PTPRM: variants seen among roughly 807,000 people sequenced by gnomAD.
PTPRM encodes receptor-type tyrosine-protein phosphatase mu.
A neutral mutation model predicts 186.7 loss-of-function variants in PTPRM; 47 were observed. The observed-to-expected ratio is 0.25, with a 90% CI of 0.20 to 0.32. The LOEUF is 0.32. Ranked by LOEUF, PTPRM falls within the 10% of genes least tolerant of loss-of-function variation. PTPRM has a pLI of 1.00. For missense variants in PTPRM, 1,494 were observed against 1,865.0 expected (o/e 0.80, Z 3.66); for synonymous variants, 668 against 674.9 (o/e 0.99, Z 0.16).
chr18:7,938,420 C>A (rs940866298), intron 5 of PTPRM, among the ~76,000 whole-genome samples: 1 of 152,164 alleles, frequency 6.6e-6, no homozygotes, highest in African/African-American at 2.4e-5. Context: ...GCCACTCTCC[C>A]CATACTAGAG....
At chr18:8,012,267 A>C (rs1409586806) in intron 7 of PTPRM, among the ~76,000 whole-genome samples, 2 of 152,196 alleles carry the variant, frequency 1.3e-5, no homozygotes, top group African/African-American at 4.8e-5. Flanking sequence ...TTTTATTTTA[A>C]ACTGAAGAGT....
intron 1 of PTPRM, among the ~76,000 whole-genome samples, chr18:7,600,098 C>T (rs2037362368): frequency 6.6e-6 from 1 of 152,112 alleles, no homozygotes; most frequent in African/African-American, 2.4e-5. Flanking sequence ...ACTCTGGGGC[C>T]CACCAATCTG....
At chr18:7,861,671 G>A (rs932213951) in intron 2 of PTPRM, among the ~76,000 whole-genome samples, 2 of 151,920 alleles carry the variant, frequency 1.3e-5, no homozygotes, top group African/African-American at 4.8e-5. Flanking sequence ...GGCACAACTC[G>A]GCACACAGGT....
intron 2 of PTPRM, among the ~76,000 whole-genome samples, chr18:7,877,575 G>C (rs568932631): frequency 6.6e-6 from 1 of 152,138 alleles, no homozygotes; most frequent in Admixed American, 6.5e-5. Context: ...AGTATTTTAC[G>C]TGATTTACCT....
At chr18:8,064,396 T>C (rs1184625895) in intron 7 of PTPRM, among the ~76,000 whole-genome samples, 1 of 152,024 alleles carries the variant, frequency 6.6e-6, no homozygotes, top group East Asian at 1.9e-4. Context: ...TTTGCTTCTC[T>C]TAAACGAGTA....
intron 7 of PTPRM, among the ~76,000 whole-genome samples, chr18:8,026,724 G>C (rs2085594384): frequency 6.6e-6 from 1 of 152,098 alleles, no homozygotes; most frequent in Non-Finnish European, 1.5e-5. Flanking sequence ...CAGGTGTGGT[G>C]GTGGACGCCT....
intron 17 of PTPRM, 127 bp from the exon 18 acceptor site, chr18:8,252,361 A>G: frequency 1.2e-6 from 1 of 826,082 alleles, no homozygotes; most frequent in African/African-American, 1.7e-5. Context: ...ACCTCTGAAT[A>G]GAAAACTTAA....
chr18:7,766,318 G>A (rs746335989), intron 1 of PTPRM, among the ~76,000 whole-genome samples: 1 of 151,860 alleles, frequency 6.6e-6, no homozygotes, highest in Non-Finnish European at 1.5e-5. Context: ...TAACTGTAAC[G>A]GGTATTAGAA....
At chr18:8,140,146 G>A (rs901020370) in intron 13 of PTPRM, among the ~76,000 whole-genome samples, 7 of 152,100 alleles carry the variant, frequency 4.6e-5, no homozygotes, top group African/African-American at 1.2e-4. Flanking sequence ...GTTCACTCGG[G>A]GTGAAAGCAG....
intron 7 of PTPRM, among the ~76,000 whole-genome samples, chr18:8,049,912 T>A (rs1022232740): frequency 6.6e-6 from 1 of 152,004 alleles, no homozygotes; most frequent in Non-Finnish European, 1.5e-5. Flanking sequence ...AGGGTTTCAC[T>A]ATGTTGGCCA....
intron 9 of PTPRM, among the ~76,000 whole-genome samples, chr18:8,077,703 T>G (rs1321648005): frequency 1.3e-5 from 2 of 152,182 alleles, no homozygotes; most frequent in Non-Finnish European, 2.9e-5. Context: ...GTCTCAGTTT[T>G]GGGGGATTTT....
At chr18:8,253,446 A>T in intron 19 of PTPRM, 32 bp downstream of exon 19, 3 of 1,389,156 alleles carry the variant, frequency 2.2e-6, no homozygotes, top group Non-Finnish European at 2.8e-6. Flanking sequence ...GGGCTTTCCC[A>T]TTCCTTCTTG....
At chr18:8,154,269 A>G (rs2093073181) in intron 14 of PTPRM, among the ~76,000 whole-genome samples, 1 of 152,204 alleles carries the variant, frequency 6.6e-6, no homozygotes, top group Admixed American at 6.5e-5. Flanking sequence ...ATTAGTTGTT[A>G]CTGTCAGTTA....
intron 2 of PTPRM, among the ~76,000 whole-genome samples, chr18:7,775,091 G>A (rs2042515307): frequency 6.6e-6 from 1 of 152,198 alleles, no homozygotes; most frequent in South Asian, 2.1e-4. Flanking sequence ...ATGCTCCAAA[G>A]CGTAGGAATA....
chr18:8,007,657 G>C (rs908526705), intron 7 of PTPRM, among the ~76,000 whole-genome samples: 17 of 152,180 alleles, frequency 1.1e-4, no homozygotes, highest in African/African-American at 4.8e-5. Context: ...TTGATCAAAT[G>C]TCTGAGACAC....
At chr18:7,721,141 C>T (rs998522472) in intron 1 of PTPRM, among the ~76,000 whole-genome samples, 31 of 145,308 alleles carry the variant, frequency 2.1e-4, no homozygotes, top group Non-Finnish European at 4.1e-4. Context: ...TTATTATTTT[C>T]TTTTTTTTTT....
chr18:7,857,375 T>C (rs2047146984), intron 2 of PTPRM, among the ~76,000 whole-genome samples: 2 of 152,306 alleles, frequency 1.3e-5, no homozygotes, highest in African/African-American at 4.8e-5. Context: ...GATTGCCCTG[T>C]AGTCTAATAA....
intron 5 of PTPRM, among the ~76,000 whole-genome samples, chr18:7,936,093 G>A (rs1158870949): frequency 6.6e-6 from 1 of 152,232 alleles, no homozygotes; most frequent in Non-Finnish European, 1.5e-5. Flanking sequence ...GGGGCTGCCT[G>A]CTTCATGGGG....
At chr18:8,022,706 C>A (rs1469902392) in intron 7 of PTPRM, among the ~76,000 whole-genome samples, 2 of 152,114 alleles carry the variant, frequency 1.3e-5, no homozygotes, top group Admixed American at 1.3e-4. Flanking sequence ...CTCCAAGGTG[C>A]ACATGTTCCC....
Sources: gnomAD v4.1 joint callset for allele counts (sites outside exome capture counted in the v4.1 genomes callset) on GRCh38, gnomAD v4.1.1 for gene constraint, MANE v1.5 for transcripts, NCBI Gene and HGNC (gene_info 2026-07-23, HGNC 2026-07-21) for gene names.